TBC1D22A: variants seen among roughly 807,000 people sequenced by gnomAD.
TBC1D22A encodes the protein TBC1 domain family member 22A, also known as putative GTPase activator.
A neutral mutation model predicts 60.2 loss-of-function variants in TBC1D22A; 38 were observed. That is an observed-to-expected ratio of 0.63 (90% CI 0.49 to 0.83). The LOEUF (loss-of-function observed/expected upper bound fraction) is 0.83, where lower values mean the gene tolerates loss of function less well. Among genes scored for constraint, TBC1D22A ranks in the 40% least tolerant of loss-of-function variants. TBC1D22A has a pLI of 0.00. For synonymous variants in TBC1D22A, 302 were observed against 281.7 expected, an observed-to-expected ratio of 1.07 and a Z score of -0.72; for missense variants, 628 against 701.0, an observed-to-expected ratio of 0.90 and a Z score of 1.18.
chr22:47,025,090 A>C (rs1472086042), intron 10 of TBC1D22A, among the ~76,000 whole-genome samples: 1 of 152,224 alleles, frequency 6.6e-6, no homozygotes. Flanking sequence ...TTATGCGTCC[A>C]ATAAGACTGT....
intron 4 of TBC1D22A, among the ~76,000 whole-genome samples, chr22:46,852,359 G>GC (rs543791591): frequency 6.6e-6 from 1 of 152,168 alleles, no homozygotes; most frequent in Non-Finnish European, 1.5e-5. Context: ...TGCTGCGTGT[G>GC]CCCCCCTGTC....
intron 11 of TBC1D22A, among the ~76,000 whole-genome samples, chr22:47,062,128 T>C (rs73170411): frequency 0.058 from 8,262 of 143,596 alleles, 304 homozygotes; most frequent in Admixed American, 0.13. Context: ...ACAATGTCAG[T>C]CCTCCGCCCC....
chr22:46,885,385 C>T (rs942383077), intron 5 of TBC1D22A, among the ~76,000 whole-genome samples: 24 of 152,112 alleles, frequency 1.6e-4, no homozygotes, highest in African/African-American at 4.6e-4. Flanking sequence ...CCTGTCTCCT[C>T]GTCTGCAGAT....
chr22:46,952,430 GCTTTT>G (rs2072963639), intron 8 of TBC1D22A, among the ~76,000 whole-genome samples: 4 of 152,172 alleles, frequency 2.6e-5, no homozygotes, highest in African/African-American at 9.7e-5. Flanking sequence ...TCCACAAGTG[GCTTTT>G]AGCAGGTTTA....
chr22:47,069,230 G>A (rs1345931550), intron 11 of TBC1D22A, among the ~76,000 whole-genome samples: 2 of 152,228 alleles, frequency 1.3e-5, no homozygotes, highest in Non-Finnish European at 2.9e-5. Flanking sequence ...TCTGGCACAC[G>A]TAGACCAAAC....
At chr22:46,913,369 C>T (rs1382411269) in intron 8 of TBC1D22A, 3 of 1,366,496 alleles carry the variant, frequency 2.2e-6, no homozygotes, top group Non-Finnish European at 2.9e-6. Context: ...GATTCCCATC[C>T]TTGCTGTGAT....
chr22:47,150,108 C>A (rs943770960), intron 12 of TBC1D22A, among the ~76,000 whole-genome samples: 2 of 152,166 alleles, frequency 1.3e-5, no homozygotes, highest in Non-Finnish European at 2.9e-5. Flanking sequence ...TTTCTCCAAG[C>A]CTGTTAGAGT....
chr22:46,954,659 C>T (rs977108498), intron 8 of TBC1D22A, among the ~76,000 whole-genome samples: 4 of 144,346 alleles, frequency 2.8e-5, no homozygotes, highest in East Asian at 3.9e-4. Flanking sequence ...AGCCACCGAA[C>T]GTGGCTGAGT....
At chr22:46,940,767 CATATAT>C (rs2071959906) in intron 8 of TBC1D22A, among the ~76,000 whole-genome samples, 1 of 127,566 alleles carries the variant, frequency 7.8e-6, no homozygotes. Context: ...CACTAGCACA[CATATAT>C]ATGTACATAT....
chr22:46,977,744 C>T (rs1235682419), intron 9 of TBC1D22A, among the ~76,000 whole-genome samples: 7 of 152,098 alleles, frequency 4.6e-5, no homozygotes, highest in Non-Finnish European at 7.4e-5. Context: ...GAAGTGGAAG[C>T]TGGTGTGTCG....
chr22:46,934,607 T>G lies in TBC1D22A; in HGVS notation c.1015+22419T>G, dbSNP rs545080439. Among the ~76,000 whole-genome samples, 9 of 152,354 alleles carry G rather than the reference T, an allele frequency of 5.9e-5. No individual in the cohort carries two copies. In the South Asian group the frequency reaches 1.9e-3, roughly 32 times the overall value. ...ACTCACTTCATAAGACGGCAAGGACTCTGCCATTGCAGTCCCTTGGCAGTA... is the reference window on the plus strand; with the variant it reads ...ACTCACTTCATAAGACGGCAAGGACGCTGCCATTGCAGTCCCTTGGCAGTA... On this transcript the variant is annotated intron_variant, in intron 8 of 12. Coordinates refer to ENST00000337137, the MANE Select transcript of TBC1D22A (RefSeq NM_014346.5).
chr22:46,913,551 C>A, intron 8 of TBC1D22A: 1 of 1,211,806 alleles, frequency 8.3e-7, no homozygotes. Context: ...CGGCTCACTC[C>A]CTAATCATCT....
intron 8 of TBC1D22A, among the ~76,000 whole-genome samples, chr22:46,964,526 C>T (rs2073703621): frequency 6.6e-6 from 1 of 152,086 alleles, no homozygotes; most frequent in Non-Finnish European, 1.5e-5. Flanking sequence ...TTTTTTCAAG[C>T]AGAAGTATAC....
At chr22:47,126,785 G>A (rs1313109683) in intron 12 of TBC1D22A, among the ~76,000 whole-genome samples, 2 of 152,222 alleles carry the variant, frequency 1.3e-5, no homozygotes, top group Non-Finnish European at 2.9e-5. Context: ...CTCTACTGGG[G>A]GCACCCAGGG....
rs187255384 is a variant in TBC1D22A, at chr22:46,884,893, C to T, written c.708+6170C>T. On this transcript the variant is annotated intron_variant, in intron 5 of 12. Transcript: ENST00000337137. ...AAGTGGGAGGGGCCATGGTGAGTGA[C>T]GAGTCTCGGCCTCTTGGTCAGAGAG... 6.6e-5 allele frequency among the ~76,000 whole-genome samples: 10 copies of T among 152,232 alleles called. No individual in the cohort carries two copies. In the South Asian group the frequency reaches 8.3e-4, roughly 13 times the overall value.
At chr22:47,039,395 C>T (rs976365606) in intron 11 of TBC1D22A, among the ~76,000 whole-genome samples, 1 of 152,022 alleles carries the variant, frequency 6.6e-6, no homozygotes, top group Non-Finnish European at 1.5e-5. Context: ...GGAAAGCAAT[C>T]GGGTGATTAC....
intron 11 of TBC1D22A, among the ~76,000 whole-genome samples, chr22:47,102,039 C>G (rs927731955): frequency 6.6e-6 from 1 of 152,186 alleles, no homozygotes; most frequent in African/African-American, 2.4e-5. Flanking sequence ...GTGACCAGCT[C>G]AAGACCTTTG....
intron 6 of TBC1D22A, among the ~76,000 whole-genome samples, chr22:46,894,403 C>T (rs2068562130): frequency 6.6e-6 from 1 of 152,236 alleles, no homozygotes; most frequent in South Asian, 2.1e-4. Flanking sequence ...GAAGCTGTCA[C>T]AGCTGAAAAC....
At chr22:46,949,381 G>C (rs1227444960) in intron 8 of TBC1D22A, among the ~76,000 whole-genome samples, 1 of 152,166 alleles carries the variant, frequency 6.6e-6, no homozygotes, top group East Asian at 1.9e-4. Context: ...TTGGTTTTCC[G>C]AGGGCCCCAT....
Sources: gnomAD v4.1 joint callset for allele counts (sites outside exome capture counted in the v4.1 genomes callset) on GRCh38, gnomAD v4.1.1 for gene constraint, MANE v1.5 for transcripts, NCBI Gene and HGNC (gene_info 2026-07-23, HGNC 2026-07-21) for gene names.